The following PARD3B variants were observed in gnomAD, a reference collection of about 807,000 sequenced individuals.
The protein encoded by PARD3B is par-3 family cell polarity regulator beta.
In PARD3B, 103 loss-of-function variants were observed where a neutral mutation model predicts 130.2. The ratio of observed to expected loss-of-function variants is 0.79; its 90% confidence interval spans 0.67 to 0.93. PARD3B has a LOEUF of 0.93. Among genes scored for constraint, PARD3B ranks in the 40% least tolerant of loss-of-function variants. The pLI, the probability that PARD3B is intolerant of heterozygous loss-of-function variation, is 0.00. For synonymous variants in PARD3B, 583 were observed against 553.2 expected (o/e 1.05, Z -0.76); for missense variants, 1,609 against 1,499.2 (o/e 1.07, Z -1.21).
chr2:205,468,043 T>C (rs1316161344), intron 20 of PARD3B, among the ~76,000 whole-genome samples: 1 of 152,246 alleles, frequency 6.6e-6, no homozygotes, highest in African/African-American at 2.4e-5. Flanking sequence ...TGGGCTGAGC[T>C]AGACCAGGCC....
intron 11 of PARD3B, among the ~76,000 whole-genome samples, chr2:205,171,965 A>G (rs1467875705): frequency 1.3e-5 from 2 of 152,206 alleles, no homozygotes; most frequent in African/African-American, 4.8e-5. Flanking sequence ...ACAAATGTCT[A>G]AATTATTGCA....
chr2:205,156,041 A>T (rs1470870176), intron 10 of PARD3B, among the ~76,000 whole-genome samples: 1 of 152,142 alleles, frequency 6.6e-6, no homozygotes, highest in Admixed American at 6.5e-5. Context: ...GACTGGATTA[A>T]GAAAATGTGG....
chr2:204,560,215 G>A (rs929876583), intron 1 of PARD3B, among the ~76,000 whole-genome samples: 1 of 152,122 alleles, frequency 6.6e-6, no homozygotes, highest in Non-Finnish European at 1.5e-5. Flanking sequence ...TAATCAGTGA[G>A]GTCTCAGTCA....
intron 3 of PARD3B, among the ~76,000 whole-genome samples, chr2:205,043,950 T>TC (rs1698566686): frequency 1.2e-5 from 1 of 86,696 alleles, no homozygotes. Flanking sequence ...ATGCTATCCC[T>TC]CCCCCCTCCC....
chr2:205,106,222 A>G (rs1024437697), intron 5 of PARD3B, among the ~76,000 whole-genome samples: 15 of 151,936 alleles, frequency 9.9e-5, no homozygotes, highest in Admixed American at 3.9e-4. Context: ...ATCTCGGCTC[A>G]CCGCAACCTC....
At chr2:204,811,795 T>C (rs1157496576) in intron 2 of PARD3B, among the ~76,000 whole-genome samples, 1 of 152,154 alleles carries the variant, frequency 6.6e-6, no homozygotes, top group Non-Finnish European at 1.5e-5. Flanking sequence ...CCGGCCTCAG[T>C]CTGCTATCAT....
At chr2:205,372,012 ATATTC>A (rs2044837684) in intron 18 of PARD3B, among the ~76,000 whole-genome samples, 1 of 152,112 alleles carries the variant, frequency 6.6e-6, no homozygotes, top group Non-Finnish European at 1.5e-5. Context: ...TTGCCTAATA[ATATTC>A]TATTGTGTGC....
At chr2:205,363,146 T>G (rs921569028) in intron 18 of PARD3B, among the ~76,000 whole-genome samples, 2 of 152,084 alleles carry the variant, frequency 1.3e-5, no homozygotes, top group Admixed American at 6.5e-5. Context: ...CAGGAAGCCA[T>G]CAGCAACAGC....
chr2:205,598,229 C>T (rs1640591169), intron 22 of PARD3B, among the ~76,000 whole-genome samples: 1 of 152,114 alleles, frequency 6.6e-6, no homozygotes, highest in Non-Finnish European at 1.5e-5. Context: ...CCCTCTTACA[C>T]ACAACAACAC....
intron 3 of PARD3B, among the ~76,000 whole-genome samples, chr2:205,035,319 G>T (rs1697738817): frequency 2.0e-5 from 3 of 152,074 alleles, no homozygotes; most frequent in African/African-American, 7.2e-5. Flanking sequence ...ATACATACTT[G>T]TAACTATGAA....
chr2:204,732,717 C>T (rs1300140372), intron 2 of PARD3B, among the ~76,000 whole-genome samples: 1 of 152,038 alleles, frequency 6.6e-6, no homozygotes, highest in Non-Finnish European at 1.5e-5. Flanking sequence ...TCCTTCTGGT[C>T]TAATTCTAGA....
intron 21 of PARD3B, among the ~76,000 whole-genome samples, chr2:205,512,312 A>G (rs567937922): frequency 6.6e-6 from 1 of 152,310 alleles, no homozygotes; most frequent in South Asian, 2.1e-4. Flanking sequence ...CTAACAGGAA[A>G]ACTTCCCATT....
At chr2:204,854,831 C>T (rs1273195075) in intron 2 of PARD3B, among the ~76,000 whole-genome samples, 1 of 151,996 alleles carries the variant, frequency 6.6e-6, no homozygotes, top group Non-Finnish European at 1.5e-5. Flanking sequence ...CACTGCGCGC[C>T]AGGAAAATTT....
chr2:205,403,636 G>C (rs2046325696), intron 19 of PARD3B, among the ~76,000 whole-genome samples: 1 of 152,144 alleles, frequency 6.6e-6, no homozygotes. Context: ...GAAGATTCCT[G>C]AGCCCCATAC....
intron 2 of PARD3B, among the ~76,000 whole-genome samples, chr2:204,821,786 T>C (rs1489585786): frequency 1.3e-5 from 2 of 152,138 alleles, no homozygotes; most frequent in East Asian, 3.8e-4. Flanking sequence ...CCACCATCCA[T>C]GTGAGACGTG....
intron 21 of PARD3B, among the ~76,000 whole-genome samples, chr2:205,509,522 T>C (rs1480948696): frequency 6.6e-6 from 1 of 152,112 alleles, no homozygotes; most frequent in Non-Finnish European, 1.5e-5. Context: ...TTCAGTTACT[T>C]CTCTGCCCTG....
chr2:205,075,866 G>T (rs1701026348), intron 4 of PARD3B, among the ~76,000 whole-genome samples: 1 of 151,936 alleles, frequency 6.6e-6, no homozygotes, highest in African/African-American at 2.4e-5. Flanking sequence ...TGATGGTAAT[G>T]TTCAAACTGA....
chr2:204,590,144 G>C (rs1024666910), intron 1 of PARD3B, among the ~76,000 whole-genome samples: 1 of 152,102 alleles, frequency 6.6e-6, no homozygotes, highest in Admixed American at 6.6e-5. Context: ...CAGACCCAGG[G>C]TCTGGTGAGG....
intron 21 of PARD3B, among the ~76,000 whole-genome samples, chr2:205,519,306 T>C (rs1414245979): frequency 6.6e-6 from 1 of 152,242 alleles, no homozygotes; most frequent in Non-Finnish European, 1.5e-5. Context: ...TTTGTCTGAC[T>C]GTCTTATTTC....
Sources: allele counts gnomAD v4.1 joint callset (sites outside exome capture counted in the v4.1 genomes callset), GRCh38; gene constraint gnomAD v4.1.1; transcripts MANE v1.5; gene names NCBI Gene and HGNC (gene_info 2026-07-23, HGNC 2026-07-21).